Variants in CLTC observed in about 807,000 individuals in gnomAD.
CLTC encodes the protein clathrin heavy chain.
CLTC carries 16 observed loss-of-function variants against 195.8 expected under a neutral mutation model. The observed-to-expected ratio is 0.08, with a 90% confidence interval of 0.06 to 0.12. The LOEUF (loss-of-function observed/expected upper bound fraction) is 0.12, where lower values mean the gene tolerates loss of function less well. Ranked by LOEUF, CLTC falls within the 10% of genes least tolerant of loss-of-function variation. The pLI, the probability that CLTC is intolerant of heterozygous loss-of-function variation, is 1.00. For synonymous variants in CLTC, 667 were observed against 689.4 expected (o/e 0.97, Z 0.51); for missense variants, 796 against 2,027.0 (o/e 0.39, Z 11.66).
In CLTC at chr17:59,624,369, A is replaced by G. The variant is rs995324157; in HGVS notation, c.42+4196A>G. 2.6e-5 allele frequency among the ~76,000 whole-genome samples: 4 copies of G among 152,040 alleles called. No individual in the cohort carries two copies. In the East Asian group the frequency reaches 7.7e-4, roughly 29 times the overall value. On this transcript the variant is annotated intron_variant, in intron 1 of 31. Transcript: ENST00000269122. ...CTCTCTACTTGTTTATAGATTAACA[A>G]TGTGGTATAGTAGACAGAACAGGGA...
At chr17:59,653,450 C>A (rs919001706) in intron 5 of CLTC, among the ~76,000 whole-genome samples, 1 of 152,046 alleles carries the variant, frequency 6.6e-6, no homozygotes, top group African/African-American at 2.4e-5. Flanking sequence ...ACCTCGGCCT[C>A]CCAAAGTGGT....
At chr17:59,657,856 G>C (rs1226120990) in intron 6 of CLTC, among the ~76,000 whole-genome samples, 1 of 149,936 alleles carries the variant, frequency 6.7e-6, no homozygotes, top group African/African-American at 2.4e-5. Context: ...ATGAAGTTGT[G>C]AAGCCAGGGG....
chr17:59,675,975 T>C (rs1163742048), intron 16 of CLTC, among the ~76,000 whole-genome samples: 1 of 152,242 alleles, frequency 6.6e-6, no homozygotes, highest in African/African-American at 2.4e-5. Context: ...ATAATAACCA[T>C]GTGAATTTGA....
Position 59,694,926 on chromosome 17 carries a change from C to A in CLTC, c.*1074C>A. 4.5e-6 allele frequency: 1 copy of A among 222,248 alleles called. No individual in the cohort carries two copies. The highest frequency in any genetic ancestry group is 9.0e-6 in the Non-Finnish European group (1 of 110,956). The allele number at this position is 222,248 out of a possible 1,614,324, so 13.8% of individuals were successfully genotyped here. ...TTGTGCATTATATCAATGTGCATTC[C>A]TGTAGTTCATTAACAAGGTACATGC... On this transcript the variant is annotated 3_prime_UTR_variant, in exon 32 of 32. Transcript: ENST00000269122.
intron 30 of CLTC, among the ~76,000 whole-genome samples, chr17:59,687,945 A>C (rs542233026): frequency 9.2e-5 from 14 of 152,200 alleles, no homozygotes; most frequent in Non-Finnish European, 1.0e-4. Flanking sequence ...AGGAGAGTTG[A>C]AACAAATTTA....
chr17:59,623,483 C>T (rs764261102), intron 1 of CLTC, among the ~76,000 whole-genome samples: 5 of 152,142 alleles, frequency 3.3e-5, no homozygotes, highest in Non-Finnish European at 5.9e-5. Flanking sequence ...AAATAAGACA[C>T]AGAATGGTGT....
chr17:59,624,763 C>T (rs2031495650), intron 1 of CLTC, among the ~76,000 whole-genome samples: 1 of 152,104 alleles, frequency 6.6e-6, no homozygotes, highest in East Asian at 1.9e-4. Flanking sequence ...GCTGCTGCTC[C>T]TGGCCTCATA....
intron 9 of CLTC, among the ~76,000 whole-genome samples, 157 bp downstream of exon 9, chr17:59,664,151 A>G (rs2032670773): frequency 1.3e-5 from 2 of 152,226 alleles, no homozygotes; most frequent in African/African-American, 4.8e-5. Flanking sequence ...TATCAAATTC[A>G]TACTTGTTAA....
Position 59,634,042 on chromosome 17 carries a change from A to G in CLTC, c.43-10234A>G, listed in dbSNP as rs555683481. 9.2e-5 allele frequency among the ~76,000 whole-genome samples: 14 copies of G among 152,228 alleles called. No individual in the cohort carries two copies. In the East Asian group the frequency reaches 2.7e-3, roughly 29 times the overall value. ...TCCCACCTCAGCCTGCCAACTAGCTAGAACTACAGGTGCACACCACCACGC... is the reference window on the plus strand; with the variant it reads ...TCCCACCTCAGCCTGCCAACTAGCTGGAACTACAGGTGCACACCACCACGC... On this transcript the variant is annotated intron_variant, in intron 1 of 31. Coordinates refer to ENST00000269122, the MANE Select transcript of CLTC (RefSeq NM_004859.4).
chr17:59,631,946 G>A lies in CLTC; in HGVS notation c.42+11773G>A, dbSNP rs531817551. ...AGTCATGCCACTGCACTCAAACCTG[G>A]CGGACAGAGTGAGACCCTATCTCAA... On this transcript the variant is annotated intron_variant, in intron 1 of 31. Transcript: ENST00000269122. Among the ~76,000 whole-genome samples the A allele has an allele frequency of 1.8e-4, 27 of 149,994 alleles. 2 individuals are homozygous for A. The highest frequency in any genetic ancestry group is 6.6e-4 in the African/African-American group (27 of 40,884).
chr17:59,682,149 G>C lies in CLTC; in HGVS notation c.3443-122G>C, dbSNP rs930995723. 2 of 925,116 alleles carry C rather than the reference G, an allele frequency of 2.2e-6. No individual in the cohort carries two copies. Among genetic ancestry groups the C allele is most frequent in the African/African-American group, 3.3e-5 (2 of 59,824 alleles). The allele number at this position is 925,116 out of a possible 1,614,324, so 57.3% of individuals were successfully genotyped here. ...TAATACAGAAGTGAAATATTGCACG[G>C]TTTACATTTGTCATTATCCATGTTT... On this transcript the variant is annotated intron_variant, in intron 21 of 31. Coordinates refer to ENST00000269122, the MANE Select transcript of CLTC (RefSeq NM_004859.4). The surrounding 1 kb of genome is among the most constrained non-coding windows in gnomAD (Gnocchi z 6.8).
Position 59,647,414 on chromosome 17 carries a change from G to T in CLTC, c.267G>T (p.Gln89His). ...TGTTTTTAGCTGGGAAAACTCTTCA[G>T]ATTTTTAACATTGAAATGAAAAGTA... The part of the protein sequence containing the change: ...VIALKAGKTL[Q>H]IFNIEMKSKM... The change falls in exon 3 of 32, where the codon CAG becomes CAT. Residue 89 changes from glutamine to histidine, a missense_variant. Gln to His is a conservative substitution (Grantham distance 24). Transcript: ENST00000269122. 1 of 1,612,392 alleles carries T rather than the reference G, an allele frequency of 6.2e-7. No homozygotes were observed. The highest frequency in any genetic ancestry group is 8.5e-7 in the Non-Finnish European group (1 of 1,179,078).
chr17:59,622,300 A>C (rs945818924), intron 1 of CLTC, among the ~76,000 whole-genome samples: 4 of 152,218 alleles, frequency 2.6e-5, no homozygotes, highest in African/African-American at 9.6e-5. Flanking sequence ...CCAGTTGATT[A>C]ATTGTGGAGC....
At chr17:59,621,260 G>GT (rs1372007915) in intron 1 of CLTC, among the ~76,000 whole-genome samples, 3 of 152,180 alleles carry the variant, frequency 2.0e-5, no homozygotes, top group African/African-American at 7.2e-5. Context: ...CACCAATCCT[G>GT]TTTTTTACTG....
intron 6 of CLTC, among the ~76,000 whole-genome samples, chr17:59,658,344 T>C (rs1567952057): frequency 6.6e-6 from 1 of 152,232 alleles, no homozygotes; most frequent in Non-Finnish European, 1.5e-5. Flanking sequence ...CGCCACTTTT[T>C]GTTTCTGCTG....
At chr17:59,690,518 T>C in intron 30 of CLTC, 118 bp from the exon 31 acceptor site, 1 of 664,768 alleles carries the variant, frequency 1.5e-6, no homozygotes. Flanking sequence ...GAGAATGTTC[T>C]TTCTAGTCTG....
At chr17:59,637,306 A>T (rs2031892535) in intron 1 of CLTC, among the ~76,000 whole-genome samples, 1 of 151,336 alleles carries the variant, frequency 6.6e-6, no homozygotes, top group African/African-American at 2.4e-5. Context: ...GTGCAGTGGC[A>T]CAATCTCGGC....
chr17:59,623,572 A>G (rs2031451912), intron 1 of CLTC, among the ~76,000 whole-genome samples: 1 of 152,234 alleles, frequency 6.6e-6, no homozygotes, highest in African/African-American at 2.4e-5. Flanking sequence ...GCTCTTGAAC[A>G]ATTGTTTCTG....
At position 59,683,899 on chromosome 17, in the gene CLTC, C is replaced by G. The variant is rs1411136384; in HGVS notation, c.4348C>G (p.Pro1450Ala). The change falls in exon 28 of 32, where the codon CCG becomes GCG. Residue 1450 changes from proline (P) to alanine (A), a missense_variant. Transcript: ENST00000269122. This position sits in a 1 kb window ranked among gnomAD's most constrained non-coding sequence, Gnocchi z 6.1. ...GGTTAAACAGCTACCACTGGTGAAA[C>G]CGTATTTGCGTTCAGTTCAGAACCA... ...SKVKQLPLVK[P>A]YLRSVQNHNN... is the part of the protein sequence containing the mutation. The G allele has an allele frequency of 1.2e-6, 2 of 1,613,766 alleles. No homozygotes were observed. The highest frequency in any genetic ancestry group is 1.7e-6 in the Non-Finnish European group (2 of 1,179,748).
Sources: gnomAD v4.1 joint callset for allele counts (sites outside exome capture counted in the v4.1 genomes callset) on GRCh38, gnomAD v4.1.1 for gene constraint, Gnocchi (gnomAD v3.1) non-coding constraint, MANE v1.5 for transcripts, NCBI Gene and HGNC (gene_info 2026-07-23, HGNC 2026-07-21) for gene names.